COPE: variants seen among roughly 807,000 people sequenced by gnomAD.
COPE encodes coatomer subunit epsilon.
COPE carries 19 observed loss-of-function variants against 42.1 expected under a neutral mutation model. The observed-to-expected ratio is 0.45, with a 90% CI of 0.31 to 0.66. The LOEUF is 0.66. COPE is among the 30% of genes least tolerant of loss of function. The pLI, the probability that COPE is intolerant of heterozygous loss-of-function variation, is 0.05. For synonymous variants in COPE, 195 were observed against 181.3 expected (o/e 1.08, Z -0.60); for missense variants, 402 against 416.1 (o/e 0.97, Z 0.30).
At chr19:18,917,200 C>T (rs1601238321) in intron 1 of COPE, among the ~76,000 whole-genome samples, 1 of 137,634 alleles carries the variant, frequency 7.3e-6, no homozygotes, top group African/African-American at 2.7e-5. Flanking sequence ...GTGGCGGGTT[C>T]TGGTGAAGAC....
At chr19:18,909,392 G>C (rs2056790266) in intron 3 of COPE, among the ~76,000 whole-genome samples, 1 of 152,234 alleles carries the variant, frequency 6.6e-6, no homozygotes, top group Non-Finnish European at 1.5e-5. Flanking sequence ...CTGGAGGCTG[G>C]AGGGCAAGGC....
rs1283255020 is a variant in COPE, at chr19:18,900,373, C to T, written c.804+8G>A. On this transcript the variant is annotated splice_region_variant and intron_variant, in intron 8 of 9. Transcript: ENST00000262812. ...TAGGGTTGGCCTGGAGCCCTGGGGG[C>T]CGCTTACCTCAGGGGGCTTGCCCAG... 3 of 1,546,238 alleles carry T rather than the reference C, an allele frequency of 1.9e-6. No homozygotes were observed. The highest frequency in any genetic ancestry group is 2.4e-5 in the South Asian group (2 of 83,634).
At chr19:18,902,129 G>A (rs1229311745) in intron 7 of COPE, among the ~76,000 whole-genome samples, 1 of 142,600 alleles carries the variant, frequency 7.0e-6, no homozygotes, top group African/African-American at 2.7e-5. Flanking sequence ...GCAGTGAGCC[G>A]AGATCACACC....
intron 1 of COPE, among the ~76,000 whole-genome samples, chr19:18,917,134 CTTCCATCATCTCTGT>C (rs373206675): frequency 3.1e-4 from 46 of 150,716 alleles, no homozygotes; most frequent in Middle Eastern, 7.0e-3. Flanking sequence ...CCCATCTCTG[CTTCCATCATCTCTGT>C]GTCTCAAATC....
intron 3 of COPE, among the ~76,000 whole-genome samples, chr19:18,909,764 C>T (rs2056793564): frequency 6.6e-6 from 1 of 152,136 alleles, no homozygotes; most frequent in Non-Finnish European, 1.5e-5. Flanking sequence ...CTGCCCACCT[C>T]GTCCTCCCAA....
At chr19:18,905,182 A>G (rs1392350563) in intron 5 of COPE, among the ~76,000 whole-genome samples, 2 of 152,024 alleles carry the variant, frequency 1.3e-5, no homozygotes, top group Non-Finnish European at 2.9e-5. Context: ...AGGGCTTTGG[A>G]AACGGCAGCA....
At chr19:18,900,823 A>C (rs2056691939) in intron 7 of COPE, among the ~76,000 whole-genome samples, 1 of 152,176 alleles carries the variant, frequency 6.6e-6, no homozygotes, top group Non-Finnish European at 1.5e-5. Context: ...CCAGCTCCCA[A>C]GGAGCCTTGA....
intron 2 of COPE, among the ~76,000 whole-genome samples, chr19:18,912,476 C>T (rs1358356222): frequency 2.0e-5 from 3 of 146,762 alleles, no homozygotes; most frequent in East Asian, 4.3e-4. Flanking sequence ...AAAAAAAAAT[C>T]GGCTGGGCGC....
intron 1 of COPE, among the ~76,000 whole-genome samples, chr19:18,918,792 A>AGAAT (rs893007484): frequency 2.0e-5 from 3 of 152,242 alleles, no homozygotes; most frequent in South Asian, 2.1e-4. Flanking sequence ...TGCTCAATGA[A>AGAAT]GAATGAATGA....
In COPE at chr19:18,902,809, G is replaced by A. The variant is rs374989982; in HGVS notation, c.735+459C>T. Among the ~76,000 whole-genome samples the A allele has an allele frequency of 3.0e-4, 9 of 29,878 alleles. 2 individuals are homozygous for A. The highest frequency in any genetic ancestry group is 1.3e-3 in the African/African-American group (4 of 3,030). The allele number at this position is 29,878 out of a possible 152,430, so 19.6% of individuals were successfully genotyped here. On this transcript the variant is annotated intron_variant, in intron 7 of 9. Transcript: ENST00000262812. ...GGAAGGAAGGAAGGAAGGAAGGAAG[G>A]AAGGAAGGAAGGAAGGAAGAAAAGA...
intron 3 of COPE, among the ~76,000 whole-genome samples, chr19:18,907,442 C>T (rs80065155): frequency 0.013 from 1,997 of 152,332 alleles, 47 homozygotes; most frequent in African/African-American, 0.045. Context: ...CTGACCATAA[C>T]CCATCAACCC....
At chr19:18,899,989 C>T (rs2056681231) in intron 8 of COPE, 42 bp from the exon 9 acceptor site, 3 of 1,576,736 alleles carry the variant, frequency 1.9e-6, no homozygotes, top group South Asian at 2.3e-5. Flanking sequence ...AACACGGGGA[C>T]CCCACGGTGG....
In COPE at chr19:18,911,713, G is replaced by A. The variant is rs1423164843; in HGVS notation, c.190-642C>T. On this transcript the variant is annotated intron_variant, in intron 2 of 9. Transcript: ENST00000262812. ...ACTACAGGCGCCCGCCACCACGCCCGGCTAATTTTTTTGTATTTTTAGTAG... is the reference window on the plus strand; with the variant it reads ...ACTACAGGCGCCCGCCACCACGCCCAGCTAATTTTTTTGTATTTTTAGTAG... 3.9e-5 allele frequency among the ~76,000 whole-genome samples: 6 copies of A among 151,994 alleles called. No homozygotes were observed. In the South Asian group the frequency reaches 6.2e-4, roughly 16 times the overall value.
chr19:18,915,328 T>C (rs1182892164), intron 1 of COPE, among the ~76,000 whole-genome samples: 1 of 152,210 alleles, frequency 6.6e-6, no homozygotes, highest in Non-Finnish European at 1.5e-5. Flanking sequence ...GAAATGCAGG[T>C]GCCCAGGAGA....
chr19:18,908,437 C>A (rs2056780289), intron 3 of COPE, among the ~76,000 whole-genome samples: 1 of 151,910 alleles, frequency 6.6e-6, no homozygotes, highest in Admixed American at 6.6e-5. Flanking sequence ...AAACAAGCAA[C>A]AGCAACAAAA....
chr19:18,919,331 G>A lies in COPE; in HGVS notation c.18C>T (p.Pro6=), dbSNP rs546296825. 7 of 1,613,440 alleles carry A rather than the reference G, an allele frequency of 4.3e-6. No individual in the cohort carries two copies. The highest frequency in any genetic ancestry group is 3.3e-5 in the Admixed American group (2 of 59,946). The part of the protein sequence containing the change: MAPPA[P]GPASGGSGEV... ...CCCCGGAGCCGCCGGAGGCCGGGCC[G>A]GGGGCCGGAGGCGCCATTTCGCTGT... is the stretch of plus-strand genomic sequence containing the variant. The change falls in exon 1 of 10, where the codon CCC becomes CCT. Residue 6 remains proline (P), a synonymous_variant. Coordinates refer to ENST00000262812, the MANE Select transcript of COPE (RefSeq NM_007263.4).
chr19:18,914,008 G>A (rs968942585), intron 1 of COPE, among the ~76,000 whole-genome samples: 4 of 152,092 alleles, frequency 2.6e-5, no homozygotes, highest in African/African-American at 7.2e-5. Flanking sequence ...ATCCCAGGCC[G>A]CCGCAGACCT....
At chr19:18,919,188 G>GC in intron 1 of COPE, 35 bp downstream of exon 1, 1 of 1,582,896 alleles carries the variant, frequency 6.3e-7, no homozygotes, top group Non-Finnish European at 8.6e-7. Flanking sequence ...CTCCGCCTCC[G>GC]CCCCCAGCGT....
intron 8 of COPE, 44 bp downstream of exon 8, chr19:18,900,337 G>A (rs1321649724): frequency 6.7e-7 from 1 of 1,494,830 alleles, no homozygotes; most frequent in Non-Finnish European, 9.1e-7. Context: ...GGGGTCCCAG[G>A]GTCTGGACAT....
Sources: allele counts gnomAD v4.1 joint callset (sites outside exome capture counted in the v4.1 genomes callset), GRCh38; gene constraint gnomAD v4.1.1; transcripts MANE v1.5; gene names NCBI Gene and HGNC (gene_info 2026-07-23, HGNC 2026-07-21).